The following DNM3 variants were observed in gnomAD, a reference collection of about 807,000 sequenced individuals.
The protein encoded by DNM3 is dynamin 3, also known as dynamin-3.
In DNM3, 47 loss-of-function variants were observed where a neutral mutation model predicts 101.6. The observed-to-expected ratio is 0.46, with a 90% CI of 0.37 to 0.59. The LOEUF (loss-of-function observed/expected upper bound fraction) is 0.59. DNM3 is among the 20% of genes least tolerant of loss of function. The probability of loss-of-function intolerance (pLI) is 0.00; values close to 1 mark genes in which losing one functional copy is unlikely to be tolerated. For synonymous variants in DNM3, 385 were observed against 387.9 expected, an observed-to-expected ratio of 0.99 and a Z score of 0.09; for missense variants, 849 against 1,085.7, an observed-to-expected ratio of 0.78 and a Z score of 3.06.
chr1:172,046,267 A>G (rs2049790859), intron 9 of DNM3, among the ~76,000 whole-genome samples: 1 of 152,174 alleles, frequency 6.6e-6, no homozygotes, highest in Non-Finnish European at 1.5e-5. Context: ...GACATGGATG[A>G]AATTGGAAAC....
At chr1:172,372,674 A>AT (rs71107346) in intron 17 of DNM3, among the ~76,000 whole-genome samples, 843 of 79,030 alleles carry the variant, frequency 0.011, 28 homozygotes, top group South Asian at 0.025. Context: ...CTTGTAATTA[A>AT]TTTTTTTTTT....
intron 2 of DNM3, chr1:171,987,415 C>A: frequency 4.0e-6 from 3 of 756,440 alleles, no homozygotes; most frequent in Non-Finnish European, 3.2e-6. Flanking sequence ...GGTTTAGGGA[C>A]TGGTTTTAGT....
At chr1:172,232,817 G>A (rs541593661) in intron 14 of DNM3, among the ~76,000 whole-genome samples, 38 of 152,254 alleles carry the variant, frequency 2.5e-4, no homozygotes, top group African/African-American at 8.9e-4. Flanking sequence ...GAAGGCAGAA[G>A]TAAAGATGTT....
chr1:172,247,683 ATTTATTTATTTG>A (rs2062011726), intron 14 of DNM3, among the ~76,000 whole-genome samples: 1 of 150,146 alleles, frequency 6.7e-6, no homozygotes, highest in African/African-American at 2.4e-5. Context: ...TTATTTATTT[ATTTATTTATTTG>A]TTTATTTTGA....
At chr1:171,991,890 G>A (rs1025119135) in intron 4 of DNM3, among the ~76,000 whole-genome samples, 1 of 152,218 alleles carries the variant, frequency 6.6e-6, no homozygotes, top group Non-Finnish European at 1.5e-5. Flanking sequence ...TCCAGATGAA[G>A]CTTCATGGAG....
At chr1:171,909,533 T>C (rs1323387644) in intron 1 of DNM3, among the ~76,000 whole-genome samples, 2 of 152,112 alleles carry the variant, frequency 1.3e-5, no homozygotes, top group Non-Finnish European at 2.9e-5. Flanking sequence ...ATTTTAAAGA[T>C]GTAGAAACTG....
chr1:171,845,279 G>C (rs2031887177), intron 1 of DNM3, among the ~76,000 whole-genome samples: 1 of 152,160 alleles, frequency 6.6e-6, no homozygotes, highest in Non-Finnish European at 1.5e-5. Flanking sequence ...GCCAGGCACA[G>C]TACTCATGCT....
intron 2 of DNM3, among the ~76,000 whole-genome samples, chr1:171,981,602 C>T (rs1256078023): frequency 6.6e-6 from 1 of 152,088 alleles, no homozygotes; most frequent in Non-Finnish European, 1.5e-5. Context: ...GTAAAAATGA[C>T]AGTGCTAAAA....
At chr1:172,071,787 A>G (rs1356294139) in intron 11 of DNM3, among the ~76,000 whole-genome samples, 1 of 151,982 alleles carries the variant, frequency 6.6e-6, no homozygotes, top group Admixed American at 6.6e-5. Flanking sequence ...TTTCTGGGCA[A>G]CTACTGCTAC....
At chr1:171,994,008 T>C (rs1019817674) in intron 4 of DNM3, among the ~76,000 whole-genome samples, 3 of 152,108 alleles carry the variant, frequency 2.0e-5, no homozygotes, top group Non-Finnish European at 4.4e-5. Context: ...TACATTCTTT[T>C]TGTTCTTTAG....
chr1:172,071,105 A>ATATATATATATATATC (rs2052144948), intron 11 of DNM3, among the ~76,000 whole-genome samples: 1 of 135,528 alleles, frequency 7.4e-6, no homozygotes, highest in Non-Finnish European at 1.5e-5. Context: ...ATATATATAT[A>ATATATATATATATATC]TATATATATA....
intron 15 of DNM3, among the ~76,000 whole-genome samples, chr1:172,307,475 A>C (rs898710863): frequency 2.6e-5 from 4 of 152,232 alleles, no homozygotes; most frequent in African/African-American, 9.6e-5. Flanking sequence ...GTGATTCCTC[A>C]AGGATCTAGA....
At chr1:172,043,615 G>A (rs2049555854) in intron 8 of DNM3, among the ~76,000 whole-genome samples, 1 of 152,108 alleles carries the variant, frequency 6.6e-6, no homozygotes, top group African/African-American at 2.4e-5. Context: ...AGCAGGAAGA[G>A]GTAGGCTACA....
chr1:172,366,631 A>T (rs181231690), intron 17 of DNM3: 1 of 152,086 alleles, frequency 6.6e-6, no homozygotes, highest in Non-Finnish European at 1.5e-5. Flanking sequence ...AAATTCAGGA[A>T]GCATTTTGTA....
intron 14 of DNM3, among the ~76,000 whole-genome samples, chr1:172,170,236 A>G (rs142575838): frequency 3.3e-5 from 5 of 152,060 alleles, no homozygotes; most frequent in Non-Finnish European, 1.5e-5. Context: ...CTCAATATCA[A>G]GTGGAGGTGC....
chr1:171,968,411 G>C (rs1223197161), intron 2 of DNM3, among the ~76,000 whole-genome samples: 1 of 152,074 alleles, frequency 6.6e-6, no homozygotes, highest in Non-Finnish European at 1.5e-5. Context: ...TTGAGCAGAG[G>C]TTGGTTTAAT....
Position 172,314,217 on chromosome 1 carries a change from C to A in DNM3, c.1881+5378C>A, listed in dbSNP as rs151020938. Among the ~76,000 whole-genome samples, 212 of 152,236 alleles carry A rather than the reference C, an allele frequency of 1.4e-3. 1 individual carries two copies. The highest frequency in any genetic ancestry group is 5.0e-3 in the African/African-American group (209 of 41,538). The stretch of plus-strand genomic sequence containing the variant: ...GACTTAGGACCCAAATGCCCATCAA[C>A]GATAGACTGGATAAAGAAAATGTGG... On this transcript the variant is annotated intron_variant, in intron 16 of 20. Transcript: ENST00000627582.
chr1:172,290,262 G>A (rs577221675), intron 15 of DNM3, among the ~76,000 whole-genome samples: 4 of 152,188 alleles, frequency 2.6e-5, no homozygotes, highest in East Asian at 1.9e-4. Context: ...TGATGAAAAC[G>A]GAATAATGAA....
intron 15 of DNM3, among the ~76,000 whole-genome samples, chr1:172,292,060 T>A (rs1389360457): frequency 3.3e-5 from 5 of 152,164 alleles, no homozygotes; most frequent in African/African-American, 1.2e-4. Flanking sequence ...AGGAGAGGCC[T>A]GGTTTTATAG....
Sources: allele counts gnomAD v4.1 joint callset (sites outside exome capture counted in the v4.1 genomes callset), GRCh38; gene constraint gnomAD v4.1.1; transcripts MANE v1.5; gene names NCBI Gene and HGNC (gene_info 2026-07-23, HGNC 2026-07-21).